Variants in KIAA1217 observed in about 807,000 individuals in gnomAD.
The protein encoded by KIAA1217 is KIAA1217.
In KIAA1217, 88 loss-of-function variants were observed where a neutral mutation model predicts 163.9. The ratio of observed to expected loss-of-function variants is 0.54; its 90% CI spans 0.45 to 0.64. The LOEUF (loss-of-function observed/expected upper bound fraction) is 0.64, where lower values mean the gene tolerates loss of function less well. KIAA1217 is among the 30% of genes least tolerant of loss of function. The pLI, the probability that KIAA1217 is intolerant of heterozygous loss-of-function variation, is 0.00. For synonymous variants in KIAA1217, 903 were observed against 923.1 expected (o/e 0.98, Z 0.39); for missense variants, 2,372 against 2,475.0 (o/e 0.96, Z 0.88).
chr10:23,860,950 G>T (rs981930274), intron 1 of KIAA1217, among the ~76,000 whole-genome samples: 1 of 148,688 alleles, frequency 6.7e-6, no homozygotes, highest in Admixed American at 6.8e-5. Flanking sequence ...ATCTTGCTCT[G>T]TTACCCAGGC....
chr10:24,264,276 G>A (rs1000891772), intron 2 of KIAA1217, among the ~76,000 whole-genome samples: 1 of 152,136 alleles, frequency 6.6e-6, no homozygotes, highest in African/African-American at 2.4e-5. Context: ...TCAGAGACCT[G>A]GAAGTTCATT....
chr10:24,420,115 A>G (rs1395339973), intron 3 of KIAA1217, among the ~76,000 whole-genome samples: 1 of 152,124 alleles, frequency 6.6e-6, no homozygotes, highest in African/African-American at 2.4e-5. Flanking sequence ...CACCTCTTCA[A>G]CTTCATGGAT....
chr10:24,014,572 T>C (rs1236883668), intron 2 of KIAA1217, among the ~76,000 whole-genome samples: 4 of 152,146 alleles, frequency 2.6e-5, no homozygotes, highest in Admixed American at 2.6e-4. Context: ...GAATTTCCCA[T>C]AATGCCATGT....
At chr10:24,104,494 T>C (rs2062544236) in intron 2 of KIAA1217, among the ~76,000 whole-genome samples, 1 of 152,018 alleles carries the variant, frequency 6.6e-6, no homozygotes, top group African/African-American at 2.4e-5. Flanking sequence ...AAAAGATCAG[T>C]GGTTGTCAGG....
intron 8 of KIAA1217, among the ~76,000 whole-genome samples, chr10:24,497,854 T>TA (rs909484837): frequency 1.3e-5 from 2 of 150,992 alleles, no homozygotes; most frequent in Non-Finnish European, 3.0e-5. Flanking sequence ...GGATGAGGGA[T>TA]AAAAAAAACT....
chr10:23,855,704 T>C (rs905590456), intron 1 of KIAA1217, among the ~76,000 whole-genome samples: 3 of 152,142 alleles, frequency 2.0e-5, no homozygotes, highest in African/African-American at 7.2e-5. Context: ...GGAGGCTTTG[T>C]TTGTTTCTTT....
chr10:23,853,869 A>T (rs1430848987), intron 1 of KIAA1217, among the ~76,000 whole-genome samples: 1 of 151,950 alleles, frequency 6.6e-6, no homozygotes, highest in African/African-American at 2.4e-5. Flanking sequence ...TATCCCCTTT[A>T]TCATTTTTTA....
chr10:24,471,897 A>C (rs974982400), intron 5 of KIAA1217, among the ~76,000 whole-genome samples: 1 of 151,568 alleles, frequency 6.6e-6, no homozygotes, highest in African/African-American at 2.4e-5. Context: ...AAAAAAAAAA[A>C]AAAAAAAAAA....
rs540262147 is a variant in KIAA1217 at position 24,063,364 on chromosome 10, C to T, written c.-171+55990C>T. On this transcript the variant is annotated intron_variant, in intron 2 of 18. Coordinates refer to the KIAA1217 transcript ENST00000376462. ...GTTTCAGTTTTCTGCATATGGCTAG[C>T]CAGTTTTCCCAACACCATTTATTAA... is the stretch of plus-strand genomic sequence containing the variant. 2.6e-5 allele frequency among the ~76,000 whole-genome samples: 4 copies of T among 152,236 alleles called. No individual in the cohort carries two copies. In the South Asian group the frequency reaches 8.3e-4, roughly 32 times the overall value.
chr10:24,429,447 T>C (rs796245469), intron 3 of KIAA1217, among the ~76,000 whole-genome samples: 13 of 152,346 alleles, frequency 8.5e-5, no homozygotes, highest in African/African-American at 2.9e-4. Flanking sequence ...ACTGGGGATC[T>C]GGGTACTCTG....
At chr10:24,200,733 G>A (rs969150013) in intron 2 of KIAA1217, among the ~76,000 whole-genome samples, 1 of 152,098 alleles carries the variant, frequency 6.6e-6, no homozygotes, top group Non-Finnish European at 1.5e-5. Flanking sequence ...CCAACCCGGG[G>A]AGCATCTGAG....
At chr10:24,038,614 C>A (rs1304680460) in intron 2 of KIAA1217, among the ~76,000 whole-genome samples, 2 of 152,178 alleles carry the variant, frequency 1.3e-5, no homozygotes, top group Non-Finnish European at 2.9e-5. Flanking sequence ...TGCAGTAGCA[C>A]CTGGGAGGGC....
intron 6 of KIAA1217, among the ~76,000 whole-genome samples, chr10:24,489,408 A>G (rs1253393198): frequency 6.6e-6 from 1 of 152,084 alleles, no homozygotes; most frequent in African/African-American, 2.4e-5. Context: ...ATCCTTTGGG[A>G]TTCTTAATAG....
intron 2 of KIAA1217, among the ~76,000 whole-genome samples, chr10:24,268,717 C>A: frequency 3.0e-5 from 3 of 100,894 alleles, no homozygotes; most frequent in Admixed American, 1.2e-4. Flanking sequence ...GGGTATATAC[C>A]CAAAGGACTA....
chr10:24,513,448 A>G lies in KIAA1217; in HGVS notation c.2177+14A>G. 6.2e-7 allele frequency: 1 copy of G among 1,611,224 alleles called. No homozygotes were observed. Among genetic ancestry groups the G allele is most frequent in the South Asian group, 1.1e-5 (1 of 90,934 alleles). On this transcript the variant is annotated intron_variant, in intron 10 of 20. Coordinates refer to ENST00000376454, the MANE Select transcript of KIAA1217 (RefSeq NM_019590.5). ...CAAGAAGTTGTGGTGAGTGCCAGTC[A>G]CTTGCATGTTGAGCTGTTTCACCTG...
At chr10:24,100,253 C>G (rs1178189526) in intron 2 of KIAA1217, among the ~76,000 whole-genome samples, 1 of 151,868 alleles carries the variant, frequency 6.6e-6, no homozygotes, top group Non-Finnish European at 1.5e-5. Flanking sequence ...TCAATAAAGT[C>G]TGAGCCCAGC....
intron 2 of KIAA1217, among the ~76,000 whole-genome samples, chr10:24,048,459 G>A (rs944242046): frequency 6.6e-6 from 1 of 152,136 alleles, no homozygotes; most frequent in African/African-American, 2.4e-5. Flanking sequence ...GGTTGGGCAC[G>A]GTGGCTCACG....
chr10:23,704,172 G>GTATATATATATATATATATATA (rs35533445), intron 1 of KIAA1217, among the ~76,000 whole-genome samples: 1 of 39,926 alleles, frequency 2.5e-5, no homozygotes, highest in Non-Finnish European at 4.1e-5. Context: ...GTGTGTGTGT[G>GTATATATATATATATATATATA]TATATATATA....
At chr10:23,741,832 A>C (rs959919415) in intron 1 of KIAA1217, among the ~76,000 whole-genome samples, 10 of 152,194 alleles carry the variant, frequency 6.6e-5, no homozygotes, top group Admixed American at 2.0e-4. Flanking sequence ...TCTGTTGTGG[A>C]TAGGTAGAGC....
Sources: allele counts gnomAD v4.1 joint callset (sites outside exome capture counted in the v4.1 genomes callset), GRCh38; gene constraint gnomAD v4.1.1; transcripts MANE v1.5; gene names NCBI Gene and HGNC (gene_info 2026-07-23, HGNC 2026-07-21).